PCDHGA4: variants seen among roughly 807,000 people sequenced by gnomAD.
PCDHGA4 encodes protocadherin gamma-A4.
Under a neutral mutation model 54.6 loss-of-function variants are expected in PCDHGA4, and 38 were observed. That is an observed-to-expected ratio of 0.70 (90% CI 0.54 to 0.91). The LOEUF (loss-of-function observed/expected upper bound fraction) is 0.91, where lower values mean the gene tolerates loss of function less well. PCDHGA4 is among the 40% of genes least tolerant of loss of function. The pLI is 0.00. For missense variants in PCDHGA4, 1,298 were observed against 1,220.9 expected (o/e 1.06, Z -0.94); for synonymous variants, 511 against 512.9 (o/e 1.00, Z 0.05).
chr5:141,375,129 T>C (rs749288394), intron 1 of PCDHGA4: 4 of 1,613,890 alleles, frequency 2.5e-6, no homozygotes, highest in Non-Finnish European at 2.5e-6. Context: ...GAAGTGGTTG[T>C]TACATCTGGA....
At chr5:141,372,833 T>C (rs1317318812) in intron 1 of PCDHGA4, 6 of 1,538,022 alleles carry the variant, frequency 3.9e-6, no homozygotes, top group Non-Finnish European at 5.3e-6. Flanking sequence ...AACCTTTCCT[T>C]CCATAAATAT....
At chr5:141,423,367 G>A (rs1478466218) in intron 1 of PCDHGA4, 2 of 1,614,068 alleles carry the variant, frequency 1.2e-6, no homozygotes, top group Admixed American at 1.7e-5. Context: ...CGTGCTGCTG[G>A]CACTCAGGCT....
intron 1 of PCDHGA4, chr5:141,372,130 C>G (rs1434489801): frequency 1.2e-6 from 2 of 1,613,648 alleles, no homozygotes; most frequent in Non-Finnish European, 1.7e-6. Context: ...GATATGGTGC[C>G]GCGCTCTGCA....
chr5:141,393,522 G>C, intron 1 of PCDHGA4: 2 of 1,614,030 alleles, frequency 1.2e-6, no homozygotes, highest in South Asian at 2.2e-5. Flanking sequence ...GGATACAAAT[G>C]ACAATGCCCC....
At position 141,476,124 on chromosome 5, in the gene PCDHGA4, C is replaced by T. The variant is rs1187643558; in HGVS notation, c.2515-18683C>T. 4 of 1,603,236 alleles carry T rather than the reference C, an allele frequency of 2.5e-6. No homozygotes were observed. Among genetic ancestry groups the T allele is most frequent in the Non-Finnish European group, 3.4e-6 (4 of 1,176,388 alleles). ...GAACTGCTTTTGAGTGAGATGGTCCCAGAGGCCTGGAGGAGCGGACTGGTA... is the reference window on the plus strand; with the variant it reads ...GAACTGCTTTTGAGTGAGATGGTCCTAGAGGCCTGGAGGAGCGGACTGGTA... On this transcript the variant is annotated intron_variant, in intron 1 of 3. Transcript: ENST00000571252. This position sits in a 1 kb window ranked among gnomAD's most constrained non-coding sequence, Gnocchi z 7.6.
rs769060536 is a variant in PCDHGA4 at position 141,357,162 on chromosome 5, C to T, written c.2055C>T (p.Leu685=). 2.4e-5 allele frequency: 39 copies of T among 1,613,662 alleles called. No homozygotes were observed. The highest frequency in any genetic ancestry group is 2.3e-4 in the Admixed American group (14 of 60,026). The change falls in exon 1 of 4, where the codon CTC becomes CTT. Residue 685 remains leucine, a synonymous_variant. Transcript: ENST00000571252. Reference sequence around the variant, plus strand: ...TCCAGGACCATGGCCAGCCCCCTCTCTCGGCCACCGTCACACTCACTGTGG... The same window carrying T: ...TCCAGGACCATGGCCAGCCCCCTCTTTCGGCCACCGTCACACTCACTGTGG... ...VVVQDHGQPP[L]SATVTLTVAV...
chr5:141,390,429 T>C lies in PCDHGA4; in HGVS notation c.2514+32808T>C, dbSNP rs2092145009. On this transcript the variant is annotated intron_variant, in intron 1 of 3. Transcript: ENST00000571252. ...GTTGTAGTCAGTTAAAAAGCTGTCA[T>C]ATCATTCTACAAAGGAGGAGTAAAG... The C allele has an allele frequency of 6.0e-6, 6 of 1,008,304 alleles. No homozygotes were observed. The South Asian group carries it at 6.8e-5, about 11-fold the overall frequency. The allele number at this position is 1,008,304 out of a possible 1,614,324, so 62.5% of individuals were successfully genotyped here. A position where few individuals can be genotyped will look rare whatever the true frequency, so the allele number is the denominator to read the frequency against.
intron 1 of PCDHGA4, chr5:141,400,218 G>C (rs2093982352): frequency 6.2e-7 from 1 of 1,613,932 alleles, no homozygotes; most frequent in Admixed American, 1.7e-5. Context: ...TGATCTCAGT[G>C]CTCTTCCTCC....
At chr5:141,415,740 G>GTTTTTTT (rs57426385) in intron 1 of PCDHGA4, 164 of 624,990 alleles carry the variant, frequency 2.6e-4, no homozygotes, top group African/African-American at 5.0e-4. Flanking sequence ...GTTTATTAAG[G>GTTTTTTT]TTTTTTTTTT....
rs1413324509 is a variant in PCDHGA4 at position 141,431,464 on chromosome 5, G to T, written c.2515-63343G>T. The T allele has an allele frequency of 6.2e-7, 1 of 1,613,782 alleles. No homozygotes were observed. The highest frequency in any genetic ancestry group is 2.2e-5 in the East Asian group (1 of 44,880). ...GCATCCGCGTGATGGTTCTGGATGC[G>T]AACGACAACGCACCAGCGTTTGCTC... On this transcript the variant is annotated intron_variant, in intron 1 of 3. Transcript: ENST00000571252. This position sits in a 1 kb window ranked among gnomAD's most constrained non-coding sequence, Gnocchi z 4.8.
At position 141,486,027 on chromosome 5, in the gene PCDHGA4, C is replaced by A. The variant is rs2099623152; in HGVS notation, c.2515-8780C>A. 2 of 1,614,048 alleles carry A rather than the reference C, an allele frequency of 1.2e-6. No individual in the cohort carries two copies. Among genetic ancestry groups the A allele is most frequent in the African/African-American group, 2.7e-5 (2 of 74,912 alleles). On this transcript the variant is annotated intron_variant, in intron 1 of 3. Coordinates refer to ENST00000571252, the MANE Select transcript of PCDHGA4 (RefSeq NM_018917.4). The surrounding 1 kb of genome is among the most constrained non-coding windows in gnomAD (Gnocchi z 5.0). ...GTCACCTTTTATTTCAGTGGTCATA[C>A]CCCTGATCGTGTAAGAAACCTCTTT...
At chr5:141,401,368 A>G (rs2094146364) in intron 1 of PCDHGA4, among the ~76,000 whole-genome samples, 3 of 152,186 alleles carry the variant, frequency 2.0e-5, no homozygotes, top group Admixed American at 2.0e-4. Flanking sequence ...GAAGGAGAGG[A>G]AGAAGAAGAA....
At chr5:141,418,478 G>T (rs777772131) in intron 1 of PCDHGA4, 1 of 1,613,858 alleles carries the variant, frequency 6.2e-7, no homozygotes, top group Non-Finnish European at 8.5e-7. Flanking sequence ...AACGCAGAGC[G>T]CTCACCACTT....
chr5:141,408,240 C>T (rs1012868761), intron 1 of PCDHGA4: 89 of 1,578,820 alleles, frequency 5.6e-5, no homozygotes, highest in Non-Finnish European at 7.3e-5. Context: ...CGGGCCGGCC[C>T]GCGGCAGGTG....
chr5:141,439,556 C>A (rs543620281), intron 1 of PCDHGA4, among the ~76,000 whole-genome samples: 1 of 152,268 alleles, frequency 6.6e-6, no homozygotes, highest in East Asian at 1.9e-4. Context: ...CTTCAGGCTG[C>A]AGTTCTAGAG....
intron 1 of PCDHGA4, among the ~76,000 whole-genome samples, chr5:141,471,913 G>A (rs1307168228): frequency 6.6e-6 from 1 of 152,164 alleles, no homozygotes. Context: ...CAAGCATGAG[G>A]GAAATTTTGG....
At chr5:141,397,887 G>C in intron 1 of PCDHGA4, 1 of 617,602 alleles carries the variant, frequency 1.6e-6, no homozygotes, top group South Asian at 2.4e-5. Flanking sequence ...GCCGCTGTTG[G>C]CCAAAGTGCA....
chr5:141,372,098 G>C (rs2149999180), intron 1 of PCDHGA4: 1 of 1,613,794 alleles, frequency 6.2e-7, no homozygotes, highest in Middle Eastern at 1.7e-4. Flanking sequence ...CAGCTCTGGG[G>C]CCCGAAGGCT....
intron 1 of PCDHGA4, among the ~76,000 whole-genome samples, chr5:141,358,638 TAAGTAGATTC>T (rs936641490): frequency 2.8e-4 from 42 of 152,294 alleles, no homozygotes; most frequent in African/African-American, 9.4e-4. Context: ...CAGTCATATA[TAAGTAGATTC>T]TAGGAGTAAC....
Sources: allele counts gnomAD v4.1 joint callset (sites outside exome capture counted in the v4.1 genomes callset), GRCh38; gene constraint gnomAD v4.1.1; non-coding constraint Gnocchi (gnomAD v3.1); transcripts MANE v1.5; gene names NCBI Gene and HGNC (gene_info 2026-07-23, HGNC 2026-07-21).